ANKRD36C: variants seen among roughly 807,000 people sequenced by gnomAD.
ANKRD36C encodes ankyrin repeat domain 36C, also known as ankyrin repeat domain-containing protein 36C.
Under a neutral mutation model 276.4 loss-of-function variants are expected in ANKRD36C, and 61 were observed. That is an observed-to-expected ratio of 0.22 (90% CI 0.18 to 0.27). The LOEUF (loss-of-function observed/expected upper bound fraction) is 0.27. Among genes scored for constraint, ANKRD36C ranks in the 10% least tolerant of loss-of-function variants. The pLI is 1.00. For synonymous variants in ANKRD36C, 483 were observed against 680.1 expected (o/e 0.71, Z 4.51); for missense variants, 1,447 against 2,032.3 (o/e 0.71, Z 5.54).
Position 95,891,818 on chromosome 2 carries a change from G to A in ANKRD36C, c.2784+14C>T. The A allele has an allele frequency of 6.4e-7, 1 of 1,559,524 alleles. No homozygotes were observed. The highest frequency in any genetic ancestry group is 8.7e-7 in the Non-Finnish European group (1 of 1,151,942). On this transcript the variant is annotated intron_variant, in intron 45 of 66. Transcript: ENST00000456556. The stretch of plus-strand genomic sequence containing the variant: ...ACATTTACTAGTTCACAATATAAAT[G>A]ACAGTTTCATTACCTTCAAGCCTGA...
chr2:95,875,000 G>A (rs986189979), intron 59 of ANKRD36C, among the ~76,000 whole-genome samples: 3 of 152,188 alleles, frequency 2.0e-5, no homozygotes, highest in Non-Finnish European at 2.9e-5. Context: ...ACACCAGTTA[G>A]GATGGCAATC....
In ANKRD36C at chr2:95,867,596, A is replaced by C. The variant is rs1675709262; in HGVS notation, c.3541-15T>G. 1 of 1,160,552 alleles carries C rather than the reference A, an allele frequency of 8.6e-7. No homozygotes were observed. Among genetic ancestry groups the C allele is most frequent in the African/African-American group, 1.6e-5 (1 of 63,694 alleles). 71.9% of individuals were successfully genotyped at this position (1,160,552 alleles called of 1,614,324 possible). A position where few individuals can be genotyped will look rare whatever the true frequency, so the allele number is the denominator to read the frequency against. On this transcript the variant is annotated splice_polypyrimidine_tract_variant and intron_variant, in intron 59 of 66. Coordinates refer to ENST00000456556, the Ensembl canonical transcript of ANKRD36C. Reference sequence around the variant, plus strand: ...TGGTTTTTCACCTACAAAATAAATAACACTGTTTCAAAATGTCCCCAAAAT... The same window carrying C: ...TGGTTTTTCACCTACAAAATAAATACCACTGTTTCAAAATGTCCCCAAAAT...
At chr2:95,894,897 A>C (rs1676492061) in intron 44 of ANKRD36C, among the ~76,000 whole-genome samples, 1 of 150,844 alleles carries the variant, frequency 6.6e-6, no homozygotes, top group African/African-American at 2.4e-5. Flanking sequence ...GTAACCCCAA[A>C]ATTATATAAA....
intron 1 of ANKRD36C, among the ~76,000 whole-genome samples, chr2:95,988,150 C>CAA (rs201835162): frequency 1.6e-3 from 165 of 105,396 alleles, no homozygotes; most frequent in East Asian, 5.3e-3. Flanking sequence ...AAAAAGAAGG[C>CAA]AAAAAAAAAA....
intron 5 of ANKRD36C, 42 bp from the exon 6 acceptor site, chr2:95,978,231 A>G (rs548559163): frequency 1.7e-6 from 1 of 582,094 alleles, no homozygotes; most frequent in African/African-American, 1.9e-5. Context: ...TAATACTATT[A>G]TCAAAAACAT....
At chr2:95,870,587 A>C (rs1240295116) in intron 59 of ANKRD36C, among the ~76,000 whole-genome samples, 1 of 152,204 alleles carries the variant, frequency 6.6e-6, no homozygotes, top group Non-Finnish European at 1.5e-5. Flanking sequence ...GAAAAACTGG[A>C]AACTCTAAAA....
intron 3 of ANKRD36C, among the ~76,000 whole-genome samples, chr2:95,985,355 T>C (rs556833471): frequency 6.6e-6 from 1 of 152,312 alleles, no homozygotes; most frequent in Non-Finnish European, 1.5e-5. Flanking sequence ...AGATTTTTTG[T>C]GTGTTTGAGA....
intron 42 of ANKRD36C, among the ~76,000 whole-genome samples, chr2:95,911,612 T>G (rs1023146436): frequency 6.6e-6 from 1 of 151,480 alleles, no homozygotes; most frequent in Non-Finnish European, 1.5e-5. Flanking sequence ...CATTGAGTTT[T>G]TATGCCAATT....
intron 59 of ANKRD36C, among the ~76,000 whole-genome samples, chr2:95,873,356 C>G (rs1000422145): frequency 5.3e-5 from 8 of 152,172 alleles, no homozygotes; most frequent in Admixed American, 1.3e-4. Flanking sequence ...TGCAAGGCTG[C>G]TTCAATATAC....
intron 46 of ANKRD36C, among the ~76,000 whole-genome samples, chr2:95,891,204 C>A (rs552593329): frequency 6.6e-6 from 1 of 150,798 alleles, no homozygotes; most frequent in Admixed American, 6.6e-5. Flanking sequence ...TCCTGCCTCA[C>A]AATCCGTCTT....
At position 95,914,097 on chromosome 2, in the gene ANKRD36C, T is replaced by C; in HGVS notation, c.2551+11A>G. 2.6e-6 allele frequency: 4 copies of C among 1,556,612 alleles called. No individual in the cohort carries two copies. The highest frequency in any genetic ancestry group is 3.5e-6 in the Non-Finnish European group (4 of 1,147,746). ...GACTGATCATGACATTAAATCTCTTTTCAAAATTACCTCTCCTAGTTTTTT... is the reference window on the plus strand; with the variant it reads ...GACTGATCATGACATTAAATCTCTTCTCAAAATTACCTCTCCTAGTTTTTT... On this transcript the variant is annotated intron_variant, in intron 40 of 66. Transcript: ENST00000456556.
chr2:95,971,882 A>G (rs998892856), intron 6 of ANKRD36C, among the ~76,000 whole-genome samples: 4 of 152,212 alleles, frequency 2.6e-5, no homozygotes, highest in African/African-American at 9.6e-5. Flanking sequence ...ATATTGCCAT[A>G]GTAACTTCTG....
intron 64 of ANKRD36C, 53 bp from the exon 85 acceptor site, chr2:95,852,249 C>T: frequency 8.2e-7 from 1 of 1,224,614 alleles, no homozygotes; most frequent in South Asian, 1.3e-5. Context: ...AAATGTCCAT[C>T]AGTAGATGAA....
Position 95,911,629 on chromosome 2 carries a change from C to A in ANKRD36C, c.2653+615G>T, listed in dbSNP as rs987866888. ...TTGAGTTTTTATGCCAATTCAAACA[C>A]TGTTTCCTGCTTCCAGCAGTTGCTG... is the stretch of plus-strand genomic sequence containing the variant. On this transcript the variant is annotated intron_variant, in intron 42 of 66. Transcript: ENST00000456556. 8.4e-4 allele frequency among the ~76,000 whole-genome samples: 127 copies of A among 151,446 alleles called. 2 individuals carry two copies. Among genetic ancestry groups the A allele is most frequent in the Non-Finnish European group, 2.4e-4 (16 of 67,606 alleles).
intron 40 of ANKRD36C, among the ~76,000 whole-genome samples, chr2:95,912,701 A>G (rs896937241): frequency 6.6e-6 from 1 of 151,476 alleles, no homozygotes; most frequent in Non-Finnish European, 1.5e-5. Context: ...GTCAATATCA[A>G]TGTGGATATG....
chr2:95,924,041 G>C (rs903070083), intron 30 of ANKRD36C, among the ~76,000 whole-genome samples: 3 of 151,648 alleles, frequency 2.0e-5, no homozygotes, highest in Admixed American at 6.6e-5. Flanking sequence ...GGTGCTACAT[G>C]ATCCTCCATG....
chr2:95,921,912 G>A (rs1479487545), intron 32 of ANKRD36C, 102 bp from the exon 33 acceptor site: 2 of 1,257,786 alleles, frequency 1.6e-6, no homozygotes, highest in Non-Finnish European at 2.2e-6. Context: ...CTGTATTAGT[G>A]TAGGCTTTGA....
chr2:95,954,159 T>C (rs1355957148), intron 13 of ANKRD36C, among the ~76,000 whole-genome samples, 154 bp from the exon 14 acceptor site: 16 of 152,306 alleles, frequency 1.1e-4, no homozygotes, highest in Admixed American at 9.8e-4. Context: ...TATTTCTTGG[T>C]ATAATTAAGA....
At chr2:95,954,087 T>C (rs1259616297) in intron 13 of ANKRD36C, 82 bp from the exon 14 acceptor site, 12 of 1,477,364 alleles carry the variant, frequency 8.1e-6, no homozygotes, top group Admixed American at 6.8e-5. Context: ...TACATGTATG[T>C]CCACTCCAAA....
Sources: allele counts gnomAD v4.1 joint callset (sites outside exome capture counted in the v4.1 genomes callset), GRCh38; gene constraint gnomAD v4.1.1; transcripts MANE v1.5; gene names NCBI Gene and HGNC (gene_info 2026-07-23, HGNC 2026-07-21).